KCNAB1: variants seen among roughly 807,000 people sequenced by gnomAD.
The protein encoded by KCNAB1 is voltage-gated potassium channel subunit beta-1.
A neutral mutation model predicts 64.6 loss-of-function variants in KCNAB1; 35 were observed. That is an observed-to-expected ratio of 0.54 (90% CI 0.41 to 0.72). The LOEUF is 0.72. KCNAB1 is among the 30% of genes least tolerant of loss of function. The pLI is 0.00. For missense variants in KCNAB1, 401 were observed against 512.9 expected (o/e 0.78, Z 2.11); for synonymous variants, 177 against 183.8 (o/e 0.96, Z 0.30).
At chr3:156,175,944 A>G in intron 1 of KCNAB1, 1 of 976,126 alleles carries the variant, frequency 1.0e-6, no homozygotes. Context: ...TGGAGCCAGC[A>G]TGGCCGGGCA....
At chr3:156,228,163 C>T (rs977276155) in intron 1 of KCNAB1, among the ~76,000 whole-genome samples, 4 of 151,772 alleles carry the variant, frequency 2.6e-5, no homozygotes, top group African/African-American at 4.9e-5. Flanking sequence ...CTTTATTGAG[C>T]ACCTCCCCTT....
intron 1 of KCNAB1, among the ~76,000 whole-genome samples, chr3:156,198,689 T>C (rs977327031): frequency 4.7e-5 from 7 of 149,540 alleles, no homozygotes; most frequent in Admixed American, 3.3e-4. Flanking sequence ...TGAGCCTATG[T>C]GTGTCTTTGC....
chr3:156,198,911 T>A (rs1714137472), intron 1 of KCNAB1, among the ~76,000 whole-genome samples: 1 of 145,558 alleles, frequency 6.9e-6, no homozygotes, highest in African/African-American at 2.5e-5. Context: ...CTTTATATTT[T>A]GATTTTTTTT....
At chr3:156,176,883 G>A in intron 1 of KCNAB1, 1 of 1,160,874 alleles carries the variant, frequency 8.6e-7, no homozygotes, top group Non-Finnish European at 1.3e-6. Flanking sequence ...CGGTAACTCT[G>A]GGCCTGTACG....
At chr3:156,218,801 A>AAAAAAAAATAAT (rs371264941) in intron 1 of KCNAB1, among the ~76,000 whole-genome samples, 6 of 112,244 alleles carry the variant, frequency 5.3e-5, no homozygotes, top group African/African-American at 7.0e-5. Context: ...AAAAAAAAAA[A>AAAAAAAAATAAT]AATAATAATA....
intron 1 of KCNAB1, among the ~76,000 whole-genome samples, chr3:156,369,462 C>T (rs1240073427): frequency 1.3e-5 from 2 of 152,210 alleles, no homozygotes; most frequent in African/African-American, 4.8e-5. Context: ...ATAGAAATAG[C>T]TTGACTGGGT....
At chr3:156,442,515 C>T (rs1559886661) in intron 2 of KCNAB1, among the ~76,000 whole-genome samples, 1 of 152,254 alleles carries the variant, frequency 6.6e-6, no homozygotes, top group East Asian at 1.9e-4. Context: ...ATACATAAAC[C>T]TTAAATCTAA....
chr3:156,256,698 C>T (rs1484457072), intron 1 of KCNAB1, among the ~76,000 whole-genome samples: 1 of 152,050 alleles, frequency 6.6e-6, no homozygotes, highest in African/African-American at 2.4e-5. Flanking sequence ...TTTTTTTACC[C>T]CATGTGTGCT....
chr3:156,411,133 T>C (rs1439995715), intron 1 of KCNAB1, among the ~76,000 whole-genome samples: 1 of 152,214 alleles, frequency 6.6e-6, no homozygotes, highest in East Asian at 1.9e-4. Flanking sequence ...TATCTTACAC[T>C]TTCTAATAAG....
chr3:156,262,562 G>A (rs188301667), intron 1 of KCNAB1, among the ~76,000 whole-genome samples: 232 of 151,612 alleles, frequency 1.5e-3, no homozygotes, highest in Non-Finnish European at 2.7e-3. Flanking sequence ...TTTACAAGTC[G>A]CTGGATTTGA....
chr3:156,467,620 T>C (rs1348187242), intron 7 of KCNAB1, among the ~76,000 whole-genome samples: 1 of 146,248 alleles, frequency 6.8e-6, no homozygotes, highest in Non-Finnish European at 1.5e-5. Context: ...AACACTGGCT[T>C]ATATTTTAAA....
intron 1 of KCNAB1, among the ~76,000 whole-genome samples, chr3:156,223,215 A>G (rs36023787): frequency 0.11 from 17,126 of 152,210 alleles, 1,201 homozygotes; most frequent in Non-Finnish European, 0.16. Flanking sequence ...GTTACAGCTC[A>G]TAAAGGCAGT....
intron 1 of KCNAB1, among the ~76,000 whole-genome samples, chr3:156,340,906 C>G (rs2122419): frequency 0.36 from 55,215 of 152,032 alleles, 12,982 homozygotes; most frequent in African/African-American, 0.67. Context: ...GTTTCTTCCT[C>G]AAAGTATTAG....
rs3085726 is a variant in KCNAB1, at chr3:156,537,240, CA to C, written c.*505del. 169,398 of 347,236 alleles carry C rather than the reference CA, an allele frequency of 0.49. 28,906 individuals carry two copies. Among genetic ancestry groups the C allele is most frequent in the Admixed American group, 0.53 (11,186 of 20,924 alleles). 21.5% of individuals were successfully genotyped at this position (347,236 alleles called of 1,614,324 possible). ...TAGTTATTAAAAATATATCTCACTG[CA>C]AAAAAAAAAAAGCAGTATCTTCACT... On this transcript the variant is annotated 3_prime_UTR_variant, in exon 14 of 14. Transcript: ENST00000490337.
At chr3:156,382,514 A>T (rs1369635243) in intron 1 of KCNAB1, among the ~76,000 whole-genome samples, 3 of 151,968 alleles carry the variant, frequency 2.0e-5, no homozygotes, top group Non-Finnish European at 4.4e-5. Context: ...AAAACAAACA[A>T]AAAAACCAAC....
chr3:156,370,146 C>T (rs992160629), intron 1 of KCNAB1, among the ~76,000 whole-genome samples: 1 of 152,170 alleles, frequency 6.6e-6, no homozygotes, highest in Non-Finnish European at 1.5e-5. Context: ...AATACAGCTA[C>T]ATTTTGACAC....
chr3:156,513,824 G>A (rs1421189253), intron 8 of KCNAB1, among the ~76,000 whole-genome samples: 1 of 152,198 alleles, frequency 6.6e-6, no homozygotes, highest in Non-Finnish European at 1.5e-5. Context: ...GACTTCGGCT[G>A]TTTGTTCAGC....
intron 1 of KCNAB1, among the ~76,000 whole-genome samples, chr3:156,358,948 A>G (rs901113861): frequency 5.3e-5 from 8 of 152,258 alleles, no homozygotes; most frequent in African/African-American, 1.9e-4. Context: ...ACTACTATAT[A>G]TAAAATATGA....
chr3:156,495,153 A>G (rs910785107), intron 8 of KCNAB1, among the ~76,000 whole-genome samples: 1 of 152,168 alleles, frequency 6.6e-6, no homozygotes, highest in Non-Finnish European at 1.5e-5. Flanking sequence ...TTAGTTTGCT[A>G]GAGATAATGG....
Sources: allele counts gnomAD v4.1 joint callset (sites outside exome capture counted in the v4.1 genomes callset), GRCh38; gene constraint gnomAD v4.1.1; transcripts MANE v1.5; gene names NCBI Gene and HGNC (gene_info 2026-07-23, HGNC 2026-07-21).